PARD6B: variants seen among roughly 807,000 people sequenced by gnomAD.
The protein encoded by PARD6B is partitioning defective 6 homolog beta.
PARD6B carries 4 observed loss-of-function variants against 10.5 expected under a neutral mutation model. That is an observed-to-expected ratio of 0.38 (90% confidence interval 0.19 to 0.87). The LOEUF (loss-of-function observed/expected upper bound fraction) is 0.87, where lower values mean the gene tolerates loss of function less well. Ranked by LOEUF, PARD6B falls within the 40% of genes least tolerant of loss-of-function variation. The pLI, the probability that PARD6B is intolerant of heterozygous loss-of-function variation, is 0.41. For missense variants in PARD6B, 396 were observed against 470.6 expected (o/e 0.84, Z 1.47); for synonymous variants, 169 against 170.4 (o/e 0.99, Z 0.07).
At chr20:50,748,598 G>C (rs2087582309) in intron 2 of PARD6B, among the ~76,000 whole-genome samples, 1 of 152,178 alleles carries the variant, frequency 6.6e-6, no homozygotes, top group Non-Finnish European at 1.5e-5. Context: ...AGTGATCATA[G>C]TGCGCTGCAG....
chr20:50,744,302 TG>T (rs1253680631), intron 2 of PARD6B, among the ~76,000 whole-genome samples: 1 of 151,616 alleles, frequency 6.6e-6, no homozygotes, highest in Non-Finnish European at 1.5e-5. Context: ...TTAGTAGAGA[TG>T]GGGTTTCTCC....
rs751643600 is a variant in PARD6B, at chr20:50,749,798, T to G, written c.429T>G (p.Ser143=). ...TGCCCCAAGACTTTAGACCTGTGTCTTCTATTATAGACGTGGATATTCTCC... is the reference window on the plus strand; with the variant it reads ...TGCCCCAAGACTTTAGACCTGTGTCGTCTATTATAGACGTGGATATTCTCC... ...ISMPQDFRPV[S]SIIDVDILPE... is the part of the protein sequence containing the mutation. The change falls in exon 3 of 3, where the codon TCT becomes TCG. Residue 143 remains serine, a synonymous_variant. Transcript: ENST00000371610. 20 of 1,614,084 alleles carry G rather than the reference T, an allele frequency of 1.2e-5. No homozygotes were observed. The highest frequency in any genetic ancestry group is 1.7e-5 in the Non-Finnish European group (20 of 1,180,036).
chr20:50,731,874 C>A (rs1456243414), intron 1 of PARD6B, 22 bp downstream of exon 1: 2 of 1,418,090 alleles, frequency 1.4e-6, no homozygotes, highest in Admixed American at 2.9e-5. Context: ...CCGGGCTGGG[C>A]GGAGCGGCGG....
At chr20:50,741,126 A>G (rs770766375) in intron 2 of PARD6B, among the ~76,000 whole-genome samples, 12 of 151,692 alleles carry the variant, frequency 7.9e-5, no homozygotes, top group Non-Finnish European at 1.8e-4. Context: ...ATGCCTGGCT[A>G]ATTTTTGTAT....
intron 2 of PARD6B, among the ~76,000 whole-genome samples, chr20:50,748,882 G>C (rs1385037257): frequency 6.6e-6 from 1 of 152,076 alleles, no homozygotes. Flanking sequence ...GGTTTAAAAT[G>C]ATGTTTTAAG....
At position 50,751,946 on chromosome 20, in the gene PARD6B, C is replaced by T. The variant is rs185504621; in HGVS notation, c.*1458C>T. The T allele has an allele frequency of 1.5e-5, 15 of 971,680 alleles. No homozygotes were observed. The African/African-American group carries it at 2.1e-4, about 14-fold the overall frequency. 60.2% of individuals were successfully genotyped at this position (971,680 alleles called of 1,614,324 possible). On this transcript the variant is annotated 3_prime_UTR_variant, in exon 3 of 3. Coordinates refer to ENST00000371610, the MANE Select transcript of PARD6B (RefSeq NM_032521.3). Reference sequence around the variant, plus strand: ...CTCAAACTCCTGACCTCAAGTGATCCGCCCATCTCCTCCCAAAGTGCTGGA... The same window carrying T: ...CTCAAACTCCTGACCTCAAGTGATCTGCCCATCTCCTCCCAAAGTGCTGGA...
At chr20:50,739,180 C>T (rs577666238) in intron 2 of PARD6B, among the ~76,000 whole-genome samples, 2 of 152,138 alleles carry the variant, frequency 1.3e-5, no homozygotes, top group South Asian at 4.2e-4. Context: ...GGCTTGGTGG[C>T]TCACGTGTGT....
chr20:50,747,399 C>G (rs536462147), intron 2 of PARD6B, among the ~76,000 whole-genome samples: 1 of 112,286 alleles, frequency 8.9e-6, no homozygotes, highest in Non-Finnish European at 1.8e-5. Context: ...GCAGCTGAGA[C>G]TAGGATTTTC....
Position 50,738,132 on chromosome 20 carries a change from C to T in PARD6B, c.289+53C>T, listed in dbSNP as rs915732932. On this transcript the variant is annotated intron_variant, in intron 2 of 2. Transcript: ENST00000371610. ...GTTAGAAATAGAAATAGTGTATTTT[C>T]CCCACTGAAAGGATACCCAGACTTT... 10 of 1,364,232 alleles carry T rather than the reference C, an allele frequency of 7.3e-6. No individual in the cohort carries two copies. In the African/African-American group the frequency reaches 1.3e-4, roughly 18 times the overall value. The allele number at this position is 1,364,232 out of a possible 1,614,324, so 84.5% of individuals were successfully genotyped here. A position where few individuals can be genotyped will look rare whatever the true frequency, so the allele number is the denominator to read the frequency against.
intron 1 of PARD6B, among the ~76,000 whole-genome samples, chr20:50,733,426 AAAAAC>A (rs143996746): frequency 0.021 from 3,183 of 152,298 alleles, 112 homozygotes; most frequent in African/African-American, 0.072. Context: ...CTCCATCTCA[AAAAAC>A]AAAACAAAAC....
chr20:50,750,937 C>A lies in PARD6B; in HGVS notation c.*449C>A, dbSNP rs368499557. On this transcript the variant is annotated 3_prime_UTR_variant, in exon 3 of 3. Transcript: ENST00000371610. ...CCTCAGCTCTTAAAGGTCTCATGTTCCCAATATTTTATTTTGATTTTTTTT... is the reference window on the plus strand; with the variant it reads ...CCTCAGCTCTTAAAGGTCTCATGTTACCAATATTTTATTTTGATTTTTTTT... 2.4e-5 allele frequency: 16 copies of A among 674,088 alleles called. No individual in the cohort carries two copies. The East Asian group carries it at 7.7e-4, about 32-fold the overall frequency. The allele number at this position is 674,088 out of a possible 1,614,324, so 41.8% of individuals were successfully genotyped here.
intron 1 of PARD6B, among the ~76,000 whole-genome samples, chr20:50,732,445 A>T (rs548766389): frequency 2.0e-5 from 3 of 152,300 alleles, no homozygotes; most frequent in Non-Finnish European, 2.9e-5. Context: ...TGCTCTTTTC[A>T]TTCCATCCTG....
At chr20:50,739,606 C>G (rs1322072142) in intron 2 of PARD6B, among the ~76,000 whole-genome samples, 1 of 152,074 alleles carries the variant, frequency 6.6e-6, no homozygotes, top group African/African-American at 2.4e-5. Flanking sequence ...TAAAGTCCAC[C>G]AACAAAATAA....
intron 2 of PARD6B, among the ~76,000 whole-genome samples, chr20:50,749,202 G>T (rs748980999): frequency 6.6e-6 from 1 of 151,854 alleles, no homozygotes; most frequent in African/African-American, 2.4e-5. Context: ...AGTTAGCCAG[G>T]CCTGGTGGCA....
chr20:50,739,390 G>A (rs1488256807), intron 2 of PARD6B, among the ~76,000 whole-genome samples: 2 of 151,978 alleles, frequency 1.3e-5, no homozygotes, highest in African/African-American at 4.8e-5. Context: ...GCAGTGAGCC[G>A]AGATCGTACC....
At chr20:50,747,182 T>C (rs575126674) in intron 2 of PARD6B, among the ~76,000 whole-genome samples, 1 of 152,340 alleles carries the variant, frequency 6.6e-6, no homozygotes, top group South Asian at 2.1e-4. Flanking sequence ...TACTTGGCAT[T>C]CATTATTGTG....
Position 50,753,715 on chromosome 20 carries a change from AATAAAG to A in PARD6B, c.*3231_*3236del, listed in dbSNP as rs1398085091. On this transcript the variant is annotated 3_prime_UTR_variant, in exon 3 of 3. Transcript: ENST00000371610. ...CTTTAGTTGTATATTATTTTTTACA[AATAAAG>A]ATAGACTTGTATAAAGGCTACTTTC... 1.4e-6 allele frequency: 1 copy of A among 695,396 alleles called. No homozygotes were observed. The highest frequency in any genetic ancestry group is 1.9e-5 in the African/African-American group (1 of 51,594). 43.1% of individuals were successfully genotyped at this position (695,396 alleles called of 1,614,324 possible). A position where few individuals can be genotyped will look rare whatever the true frequency, so the allele number is the denominator to read the frequency against.
At chr20:50,742,892 A>G (rs2087538473) in intron 2 of PARD6B, among the ~76,000 whole-genome samples, 1 of 152,178 alleles carries the variant, frequency 6.6e-6, no homozygotes, top group Admixed American at 6.5e-5. Context: ...TTCCTAGAGC[A>G]GTTATCATGG....
At chr20:50,737,046 G>T (rs550330060) in intron 1 of PARD6B, among the ~76,000 whole-genome samples, 42 of 152,256 alleles carry the variant, frequency 2.8e-4, no homozygotes, top group African/African-American at 1.0e-3. Context: ...TTGACATTGG[G>T]AAAACAGAGG....
Sources: allele counts gnomAD v4.1 joint callset (sites outside exome capture counted in the v4.1 genomes callset), GRCh38; gene constraint gnomAD v4.1.1; transcripts MANE v1.5; gene names NCBI Gene and HGNC (gene_info 2026-07-23, HGNC 2026-07-21).